Variants in VPS13D observed in about 807,000 individuals in gnomAD.
VPS13D encodes vacuolar protein sorting 13 homolog D.
VPS13D carries 187 observed loss-of-function variants against 461.9 expected under a neutral mutation model. That is an observed-to-expected ratio of 0.40 (90% confidence interval 0.36 to 0.46). The LOEUF is 0.46. Among genes scored for constraint, VPS13D ranks in the 20% least tolerant of loss-of-function variants. VPS13D has a pLI of 0.60. For synonymous variants in VPS13D, 1,951 were observed against 1,986.3 expected (o/e 0.98, Z 0.47); for missense variants, 4,711 against 5,364.9 (o/e 0.88, Z 3.81).
intron 58 of VPS13D, among the ~76,000 whole-genome samples, chr1:12,383,961 G>T (rs1027573792): frequency 2.6e-5 from 4 of 152,130 alleles, no homozygotes; most frequent in African/African-American, 4.8e-5. Context: ...ATAGAAGCAG[G>T]GGCCAGATCA....
intron 38 of VPS13D, 111 bp from the exon 39 acceptor site, chr1:12,335,594 A>T: frequency 7.3e-7 from 1 of 1,369,482 alleles, no homozygotes; most frequent in Non-Finnish European, 9.9e-7. Context: ...AGCACAGGCC[A>T]GGCATGTAAT....
chr1:12,416,532 A>T, intron 64 of VPS13D, 128 bp from the exon 65 acceptor site: 1 of 1,001,298 alleles, frequency 1.0e-6, no homozygotes, highest in Non-Finnish European at 1.4e-6. Flanking sequence ...AAAAGCTTTT[A>T]ATCTCGTTAC....
At chr1:12,504,976 G>A (rs1207780317) in intron 68 of VPS13D, among the ~76,000 whole-genome samples, 5 of 152,336 alleles carry the variant, frequency 3.3e-5, no homozygotes, top group African/African-American at 7.2e-5. Flanking sequence ...TGAGGTGGAA[G>A]TGCCTGTGCT....
intron 47 of VPS13D, among the ~76,000 whole-genome samples, chr1:12,354,617 T>C (rs1390220564): frequency 1.3e-5 from 2 of 152,208 alleles, no homozygotes; most frequent in Non-Finnish European, 2.9e-5. Context: ...AACAGAGCCT[T>C]TTTTCTTACA....
chr1:12,242,988 T>C (rs944860368), intron 3 of VPS13D, among the ~76,000 whole-genome samples: 1 of 151,604 alleles, frequency 6.6e-6, no homozygotes, highest in Admixed American at 6.6e-5. Context: ...AGTCTCGCTC[T>C]GTCACCGAGG....
In VPS13D at chr1:12,249,456, G is replaced by T. The variant is rs1320788965; in HGVS notation, c.564+117G>T. On this transcript the variant is annotated intron_variant, in intron 6 of 69. Transcript: ENST00000620676. ...ATCACATTCTTTTCCATTGCCTTCT[G>T]TGATAGGCATGGGTGTCTCTTGTGT... is the stretch of plus-strand genomic sequence containing the variant. 5.4e-6 allele frequency: 4 copies of T among 738,454 alleles called. No homozygotes were observed. In the East Asian group the frequency reaches 8.5e-5, roughly 16 times the overall value. 45.7% of individuals were successfully genotyped at this position (738,454 alleles called of 1,614,324 possible).
chr1:12,349,510 G>A, intron 46 of VPS13D, 136 bp downstream of exon 46: 1 of 951,354 alleles, frequency 1.1e-6, no homozygotes, highest in Non-Finnish European at 1.5e-6. Context: ...TATTCCTTGA[G>A]TTTTAGTTAG....
chr1:12,443,350 G>C (rs1645152852), intron 65 of VPS13D, among the ~76,000 whole-genome samples: 2 of 152,224 alleles, frequency 1.3e-5, no homozygotes, highest in African/African-American at 4.8e-5. Context: ...TCCATTGCAG[G>C]AATGTGCTAC....
intron 65 of VPS13D, among the ~76,000 whole-genome samples, chr1:12,444,044 C>T (rs1645163468): frequency 6.6e-6 from 1 of 152,070 alleles, no homozygotes; most frequent in Non-Finnish European, 1.5e-5. Context: ...AGGGTTTCAC[C>T]ATGTTGGCCA....
intron 68 of VPS13D, among the ~76,000 whole-genome samples, chr1:12,500,805 A>T (rs1453330810): frequency 6.6e-6 from 1 of 150,506 alleles, no homozygotes; most frequent in Admixed American, 6.6e-5. Context: ...CTCCCACCTC[A>T]GCCTCCCAAA....
chr1:12,483,645 C>T (rs1028733951), intron 67 of VPS13D, among the ~76,000 whole-genome samples: 1 of 152,130 alleles, frequency 6.6e-6, no homozygotes, highest in Non-Finnish European at 1.5e-5. Context: ...GAATCTGCAT[C>T]ATGACTTTAT....
intron 55 of VPS13D, among the ~76,000 whole-genome samples, chr1:12,377,855 T>C (rs188240547): frequency 7.0e-6 from 1 of 141,886 alleles, no homozygotes; most frequent in Non-Finnish European, 1.5e-5. Flanking sequence ...TTACTAGCAA[T>C]CAATTAGCAT....
At chr1:12,241,295 G>C (rs1452594564) in intron 2 of VPS13D, among the ~76,000 whole-genome samples, 2 of 152,184 alleles carry the variant, frequency 1.3e-5, no homozygotes, top group Non-Finnish European at 2.9e-5. Context: ...ATCATTTAAA[G>C]GGAAACATAA....
At chr1:12,338,454 T>G in intron 40 of VPS13D, 149 bp downstream of exon 40, 1 of 664,296 alleles carries the variant, frequency 1.5e-6, no homozygotes. Context: ...TTCCAACTGA[T>G]GAACAGAGTG....
At chr1:12,258,885 T>TGGTTA (rs1641009730) in intron 10 of VPS13D, among the ~76,000 whole-genome samples, 1 of 152,226 alleles carries the variant, frequency 6.6e-6, no homozygotes, top group Admixed American at 6.5e-5. Context: ...GAAGCCCTAG[T>TGGTTA]GGTTAGTGCC....
chr1:12,413,066 A>T (rs937147850), intron 63 of VPS13D, among the ~76,000 whole-genome samples: 3 of 152,216 alleles, frequency 2.0e-5, no homozygotes, highest in African/African-American at 7.2e-5. Flanking sequence ...TCACTTCTCA[A>T]CTGAAAAGAG....
intron 25 of VPS13D, 56 bp from the exon 26 acceptor site, chr1:12,304,450 C>G (rs1445682390): frequency 2.7e-6 from 4 of 1,493,384 alleles, no homozygotes; most frequent in Non-Finnish European, 3.7e-6. Flanking sequence ...AGTCCCACCA[C>G]CAGTGCTGCC....
intron 47 of VPS13D, among the ~76,000 whole-genome samples, 173 bp from the exon 48 acceptor site, chr1:12,355,726 T>G (rs143035070): frequency 1.6e-4 from 25 of 152,274 alleles, no homozygotes; most frequent in African/African-American, 5.5e-4. Flanking sequence ...GCCTTCTGGT[T>G]TGCTTATATT....
At chr1:12,294,619 C>G (rs960290044) in intron 24 of VPS13D, among the ~76,000 whole-genome samples, 9 of 151,742 alleles carry the variant, frequency 5.9e-5, no homozygotes, top group African/African-American at 1.9e-4. Context: ...TCGAGACCAT[C>G]CTGGCCAACA....
Sources: gnomAD v4.1 joint callset for allele counts (sites outside exome capture counted in the v4.1 genomes callset) on GRCh38, gnomAD v4.1.1 for gene constraint, MANE v1.5 for transcripts, NCBI Gene and HGNC (gene_info 2026-07-23, HGNC 2026-07-21) for gene names.